AGBL1: variants seen among roughly 807,000 people sequenced by gnomAD.
AGBL1 encodes the protein AGBL carboxypeptidase 1.
Under a neutral mutation model 118.9 loss-of-function variants are expected in AGBL1, and 130 were observed. The ratio of observed to expected loss-of-function variants is 1.09; its 90% confidence interval spans 0.95 to 1.26. AGBL1 has a LOEUF of 1.26. AGBL1 is among the 50% of genes most tolerant of loss of function. The pLI is 0.00. For missense variants in AGBL1, 1,584 were observed against 1,298.1 expected, an observed-to-expected ratio of 1.22 and a Z score of -3.38; for synonymous variants, 555 against 478.9, an observed-to-expected ratio of 1.16 and a Z score of -2.08.
chr15:87,004,504 T>TTATA (rs1157226827), intron 24 of AGBL1, among the ~76,000 whole-genome samples: 9 of 152,206 alleles, frequency 5.9e-5, no homozygotes, highest in Non-Finnish European at 8.8e-5. Context: ...GAGACTAAGA[T>TTATA]TATAACCCCT....
At chr15:86,414,181 G>A (rs774873744) in intron 18 of AGBL1, among the ~76,000 whole-genome samples, 11 of 152,238 alleles carry the variant, frequency 7.2e-5, no homozygotes, top group Non-Finnish European at 1.6e-4. Flanking sequence ...AAAGGATAGC[G>A]AGGTGAGGAG....
At chr15:86,129,627 G>T (rs1280163746) in intron 1 of AGBL1, among the ~76,000 whole-genome samples, 1 of 152,170 alleles carries the variant, frequency 6.6e-6, no homozygotes, top group African/African-American at 2.4e-5. Flanking sequence ...GTCACAACTG[G>T]GGCTGAGAGT....
At chr15:86,919,600 A>ACACACACACG (rs2080464291), downstream of AGBL1, among the ~76,000 whole-genome samples, 2 of 148,236 alleles carry the variant, frequency 1.3e-5, no homozygotes, top group Non-Finnish European at 3.0e-5. Context: ...ACACACACAC[A>ACACACACACG]CACACACACA....
At chr15:86,816,530 T>G (rs1186057703) in intron 22 of AGBL1, among the ~76,000 whole-genome samples, 2 of 152,354 alleles carry the variant, frequency 1.3e-5, no homozygotes, top group Admixed American at 1.3e-4. Context: ...TCTGGAAGTT[T>G]CGCTGTTAAG....
chr15:86,441,751 G>A (rs1199138697), intron 18 of AGBL1, among the ~76,000 whole-genome samples: 2 of 152,210 alleles, frequency 1.3e-5, no homozygotes, highest in Admixed American at 1.3e-4. Context: ...AGAGATGAAT[G>A]TAATAATAAT....
At chr15:86,292,610 G>T (rs1239074358) in intron 16 of AGBL1, among the ~76,000 whole-genome samples, 1 of 152,200 alleles carries the variant, frequency 6.6e-6, no homozygotes, top group Non-Finnish European at 1.5e-5. Flanking sequence ...TCAAAGGGCA[G>T]AGGGCAAAGT....
At chr15:86,361,152 G>A (rs1368688328) in intron 17 of AGBL1, among the ~76,000 whole-genome samples, 2 of 151,732 alleles carry the variant, frequency 1.3e-5, no homozygotes, top group Admixed American at 6.6e-5. Flanking sequence ...ATTTTGTTAT[G>A]TAGCATTTTT....
At chr15:86,796,125 A>G (rs2078567061) in intron 22 of AGBL1, among the ~76,000 whole-genome samples, 1 of 152,148 alleles carries the variant, frequency 6.6e-6, no homozygotes, top group African/African-American at 2.4e-5. Context: ...GGCCCAGATG[A>G]ATGAATGCTT....
intron 22 of AGBL1, among the ~76,000 whole-genome samples, chr15:86,878,369 T>A (rs1014157742): frequency 1.2e-4 from 19 of 152,156 alleles, no homozygotes; most frequent in Non-Finnish European, 1.9e-4. Context: ...AAACAAAACC[T>A]TTGTTTACAA....
At chr15:86,487,593 C>T (rs958550783) in intron 18 of AGBL1, among the ~76,000 whole-genome samples, 1 of 151,258 alleles carries the variant, frequency 6.6e-6, no homozygotes, top group Non-Finnish European at 1.5e-5. Flanking sequence ...AGGAAAGTAG[C>T]TTCAATCTAA....
intron 5 of AGBL1, among the ~76,000 whole-genome samples, chr15:86,164,168 A>T (rs1039921488): frequency 1.3e-5 from 2 of 152,252 alleles, no homozygotes; most frequent in Non-Finnish European, 2.9e-5. Context: ...TGGGGACAGC[A>T]TTCACATTAA....
chr15:86,294,730 G>A (rs946935783), intron 16 of AGBL1, among the ~76,000 whole-genome samples: 6 of 151,878 alleles, frequency 4.0e-5, no homozygotes. Context: ...GCTTAGATTT[G>A]TCTCTTTTCT....
intron 23 of AGBL1, among the ~76,000 whole-genome samples, chr15:86,925,720 CTT>C (rs375125663): frequency 9.9e-4 from 130 of 131,976 alleles, no homozygotes; most frequent in East Asian, 2.8e-3. Context: ...TTTTTCTTTT[CTT>C]TTTTTTTTTT....
intron 5 of AGBL1, among the ~76,000 whole-genome samples, chr15:86,209,597 T>A (rs1210953962): frequency 1.3e-5 from 2 of 152,204 alleles, no homozygotes; most frequent in African/African-American, 2.4e-5. Context: ...TGATCTTTGT[T>A]GGTTTAAAGT....
At chr15:86,843,453 C>T (rs2079274436) in intron 22 of AGBL1, among the ~76,000 whole-genome samples, 1 of 151,892 alleles carries the variant, frequency 6.6e-6, no homozygotes, top group Non-Finnish European at 1.5e-5. Context: ...TTTAACATAA[C>T]CTTTGGGGTA....
chr15:86,718,275 A>C (rs1184306942), intron 22 of AGBL1, among the ~76,000 whole-genome samples: 1 of 152,192 alleles, frequency 6.6e-6, no homozygotes, highest in Middle Eastern at 3.4e-3. Flanking sequence ...ATTCTGAGCA[A>C]ACTATCTCAA....
intron 6 of AGBL1, 40 bp downstream of exon 6, chr15:86,224,991 C>G (rs1215331957): frequency 1.9e-6 from 3 of 1,598,278 alleles, no homozygotes; most frequent in Non-Finnish European, 1.7e-6. Context: ...TCTCTCCACT[C>G]TGGGTTTAAT....
chr15:86,532,311 C>A (rs1333786521), intron 19 of AGBL1, among the ~76,000 whole-genome samples: 1 of 151,806 alleles, frequency 6.6e-6, no homozygotes, highest in Non-Finnish European at 1.5e-5. Context: ...TGTCATACAC[C>A]AACAACAGAC....
intron 5 of AGBL1, among the ~76,000 whole-genome samples, chr15:86,171,568 G>A (rs75587071): frequency 0.032 from 4,921 of 152,148 alleles, 157 homozygotes; most frequent in Admixed American, 0.088. Context: ...CAGGAAAAGA[G>A]AAAAAGGTAG....
Sources: allele counts gnomAD v4.1 joint callset (sites outside exome capture counted in the v4.1 genomes callset), GRCh38; gene constraint gnomAD v4.1.1; transcripts MANE v1.5; gene names NCBI Gene and HGNC (gene_info 2026-07-23, HGNC 2026-07-21).